Variants in FHAD1 observed in about 807,000 individuals in gnomAD.
The protein encoded by FHAD1 is forkhead associated phosphopeptide binding domain 1.
In FHAD1, 146 loss-of-function variants were observed where a neutral mutation model predicts 191.3. That is an observed-to-expected ratio of 0.76 (90% CI 0.67 to 0.88). The LOEUF (loss-of-function observed/expected upper bound fraction) is 0.88, where lower values mean the gene tolerates loss of function less well. Among genes scored for constraint, FHAD1 ranks in the 40% least tolerant of loss-of-function variants. FHAD1 has a pLI of 0.00. For missense variants in FHAD1, 1,635 were observed against 1,785.8 expected (o/e 0.92, Z 1.52); for synonymous variants, 616 against 672.3 (o/e 0.92, Z 1.29).
chr1:15,353,502 C>T (rs1467096235), intron 20 of FHAD1, among the ~76,000 whole-genome samples: 1 of 151,918 alleles, frequency 6.6e-6, no homozygotes, highest in Non-Finnish European at 1.5e-5. Flanking sequence ...GTCAAGAGTT[C>T]GAGACCAGCC....
intron 4 of FHAD1, among the ~76,000 whole-genome samples, chr1:15,291,475 C>G (rs1472366323): frequency 6.6e-6 from 1 of 152,166 alleles, no homozygotes; most frequent in Non-Finnish European, 1.5e-5. Flanking sequence ...AAATAAGTTT[C>G]CTACAGCTGT....
In FHAD1 at chr1:15,367,604, C is replaced by G; in HGVS notation, c.3296C>G (p.Ala1099Gly). ...LVEKKDRELK[A>G]LEEALRASQE... ...GAAAAGAAAGATCGGGAGCTGAAGG[C>G]CCTTGAGGAGGCACTCAGGTTGGGT... Residue 1099 changes from alanine to glycine, a missense_variant, in exon 25 of 34, where the codon GCC becomes GGC. Physicochemically the swap from Ala to Gly is moderately conservative, Grantham distance 60 (BLOSUM62 0). Coordinates refer to ENST00000688493, the MANE Select transcript of FHAD1 (RefSeq NM_001391957.1). The G allele has an allele frequency of 6.5e-7, 1 of 1,543,716 alleles. No individual in the cohort carries two copies. The highest frequency in any genetic ancestry group is 8.7e-7 in the Non-Finnish European group (1 of 1,144,330).
chr1:15,349,397 A>G (rs1191784661), intron 19 of FHAD1, among the ~76,000 whole-genome samples: 3 of 152,208 alleles, frequency 2.0e-5, no homozygotes, highest in Non-Finnish European at 1.5e-5. Flanking sequence ...TGTCAAGTAC[A>G]TAGGACTGCA....
rs927681191 is a variant in FHAD1, at chr1:15,360,527, T to C, written c.2786T>C (p.Leu929Pro). The change falls in exon 22 of 34, where the codon CTC (leucine) becomes CCC (proline). Residue 929 changes from leucine (L) to proline (P), a missense_variant. Leu to Pro is a moderately conservative substitution (Grantham distance 98). Transcript: ENST00000688493. ...LILQQKMVKA[L>P]QDEQESQRHG... ...CTGCAGCAGAAGATGGTAAAGGCCC[T>C]CCAGGATGAGCAGGAATCACAGAGA... 2 of 1,551,514 alleles carry C rather than the reference T, an allele frequency of 1.3e-6. No individual in the cohort carries two copies. The highest frequency in any genetic ancestry group is 1.7e-6 in the Non-Finnish European group (2 of 1,146,928).
At chr1:15,319,536 GA>G (rs1468153426) in intron 10 of FHAD1, among the ~76,000 whole-genome samples, 1 of 152,162 alleles carries the variant, frequency 6.6e-6, no homozygotes, top group African/African-American at 2.4e-5. Flanking sequence ...GAGACAGGAG[GA>G]TTGCTTTAGA....
chr1:15,333,755 G>A (rs1402209626), intron 14 of FHAD1, among the ~76,000 whole-genome samples: 7 of 150,604 alleles, frequency 4.6e-5, no homozygotes, highest in African/African-American at 1.5e-4. Flanking sequence ...TGTTTCACAC[G>A]CATTGTGTAC....
intron 2 of FHAD1, among the ~76,000 whole-genome samples, chr1:15,271,996 G>T: frequency 6.6e-6 from 1 of 152,032 alleles, no homozygotes. Context: ...AAAGAAAATG[G>T]CCAATTCCCT....
At chr1:15,342,202 G>A (rs535618591) in intron 16 of FHAD1, among the ~76,000 whole-genome samples, 62 of 152,256 alleles carry the variant, frequency 4.1e-4, no homozygotes, top group Admixed American at 4.1e-3. Flanking sequence ...GTAGCTGACA[G>A]ACTGTTTCTA....
chr1:15,316,529 C>A lies in FHAD1; in HGVS notation c.1260+62C>A. ...AAAAACAGAGTTTGACCTTGAGGTT[C>A]TTGGTGGGATCCTGGGCCATCACTA... On this transcript the variant is annotated intron_variant, in intron 9 of 33. Coordinates refer to ENST00000688493, the MANE Select transcript of FHAD1 (RefSeq NM_001391957.1). The surrounding 1 kb of genome is among the most constrained non-coding windows in gnomAD (Gnocchi z 4.3). 1 of 1,397,564 alleles carries A rather than the reference C, an allele frequency of 7.2e-7. No individual in the cohort carries two copies. Among genetic ancestry groups the A allele is most frequent in the Non-Finnish European group, 9.9e-7 (1 of 1,010,002 alleles). The allele number at this position is 1,397,564 out of a possible 1,614,324, so 86.6% of individuals were successfully genotyped here.
Position 15,367,463 on chromosome 1 carries a change from G to A in FHAD1, c.3155G>A (p.Gly1052Glu). The A allele has an allele frequency of 6.4e-7, 1 of 1,551,002 alleles. No homozygotes were observed. The highest frequency in any genetic ancestry group is 8.7e-7 in the Non-Finnish European group (1 of 1,146,674). The change falls in exon 25 of 34, where the codon GGG becomes GAG. Residue 1052 changes from glycine (G) to glutamate (E), a missense_variant and splice_region_variant. Coordinates refer to ENST00000688493, the MANE Select transcript of FHAD1 (RefSeq NM_001391957.1). ...TTACCGGCCCTCCTGTCACTCGCAG[G>A]GGAGCTAAACGAGAAGCAGAAGATG... is the stretch of plus-strand genomic sequence containing the variant. The part of the protein sequence containing the change: ...EAHSRMSDLR[G>E]ELNEKQKMEL...
chr1:15,353,494 C>CA lies in FHAD1; in HGVS notation c.2562+512dup, dbSNP rs1401031407. Reference sequence around the variant, plus strand: ...CTGAAGTGGGCAGATCACCTGAGGTCAAGAGTTCGAGACCAGCCTGGCCAA... The same window carrying CA: ...CTGAAGTGGGCAGATCACCTGAGGTCAAAGAGTTCGAGACCAGCCTGGCCAA... On this transcript the variant is annotated intron_variant, in intron 20 of 33. Coordinates refer to ENST00000688493, the MANE Select transcript of FHAD1 (RefSeq NM_001391957.1). Among the ~76,000 whole-genome samples, 12 of 152,134 alleles carry CA rather than the reference C, an allele frequency of 7.9e-5. No individual in the cohort carries two copies. In the East Asian group the frequency reaches 1.9e-3, roughly 25 times the overall value.
In FHAD1 at chr1:15,308,758, T is replaced by C. The variant is rs747819323; in HGVS notation, c.1039+22T>C. 7 of 1,551,064 alleles carry C rather than the reference T, an allele frequency of 4.5e-6. No individual in the cohort carries two copies. In the Admixed American group the frequency reaches 1.4e-4, roughly 30 times the overall value. On this transcript the variant is annotated intron_variant, in intron 7 of 33. Transcript: ENST00000688493. Reference sequence around the variant, plus strand: ...TCAGGTGAGCCCTTGGAGTCGGGCCTGGGAGCTGCCACTCCCGCACCCGTT... The same window carrying C: ...TCAGGTGAGCCCTTGGAGTCGGGCCCGGGAGCTGCCACTCCCGCACCCGTT...
chr1:15,376,382 G>T (rs1699669013), intron 28 of FHAD1, among the ~76,000 whole-genome samples: 1 of 152,216 alleles, frequency 6.6e-6, no homozygotes, highest in African/African-American at 2.4e-5. Context: ...GAGCCACTGT[G>T]CCCGGCCGAT....
At chr1:15,303,647 C>T (rs59244380) in intron 6 of FHAD1, among the ~76,000 whole-genome samples, 2,330 of 152,174 alleles carry the variant, frequency 0.015, 59 homozygotes, top group African/African-American at 0.052. Flanking sequence ...GTCAGGAGTT[C>T]GAGACCAGCC....
At chr1:15,274,427 G>A (rs1035389066) in intron 3 of FHAD1, among the ~76,000 whole-genome samples, 1 of 152,034 alleles carries the variant, frequency 6.6e-6, no homozygotes, top group Non-Finnish European at 1.5e-5. Flanking sequence ...GGGCAACACG[G>A]TGAAACCCCG....
At chr1:15,271,205 CG>C (rs1401981792) in intron 2 of FHAD1, among the ~76,000 whole-genome samples, 1 of 150,540 alleles carries the variant, frequency 6.6e-6, no homozygotes, top group East Asian at 2.0e-4. Context: ...CCCAGCTACT[CG>C]GGAGGCTGAG....
intron 19 of FHAD1, among the ~76,000 whole-genome samples, chr1:15,350,921 G>T (rs1170030667): frequency 6.6e-6 from 1 of 152,146 alleles, no homozygotes; most frequent in Non-Finnish European, 1.5e-5. Flanking sequence ...ATGCTAAGGG[G>T]TGGGATCCAA....
At chr1:15,383,835 G>T in intron 31 of FHAD1, 1 of 442,978 alleles carries the variant, frequency 2.3e-6, no homozygotes, top group South Asian at 1.6e-5. Flanking sequence ...AGAGAGTTAA[G>T]AGGCGCCCAA....
At chr1:15,371,139 C>T (rs1304925482) in intron 26 of FHAD1, among the ~76,000 whole-genome samples, 3 of 152,170 alleles carry the variant, frequency 2.0e-5, no homozygotes, top group African/African-American at 7.2e-5. Context: ...GTTGGAATCC[C>T]AGGCTCTTAC....
Sources: gnomAD v4.1 joint callset for allele counts (sites outside exome capture counted in the v4.1 genomes callset) on GRCh38, gnomAD v4.1.1 for gene constraint, Gnocchi (gnomAD v3.1) non-coding constraint, MANE v1.5 for transcripts, NCBI Gene and HGNC (gene_info 2026-07-23, HGNC 2026-07-21) for gene names.